The following BMP2K variants were observed in gnomAD, a reference collection of about 807,000 sequenced individuals.
BMP2K encodes the protein BMP2 inducible kinase.
Under a neutral mutation model 116.0 loss-of-function variants are expected in BMP2K, and 74 were observed. That is an observed-to-expected ratio of 0.64 (90% confidence interval 0.53 to 0.77). The LOEUF (loss-of-function observed/expected upper bound fraction) is 0.77, where lower values mean the gene tolerates loss of function less well. Ranked by LOEUF, BMP2K falls within the 30% of genes least tolerant of loss-of-function variation. The probability of loss-of-function intolerance (pLI) is 0.00; values close to 1 mark genes in which losing one functional copy is unlikely to be tolerated. For missense variants in BMP2K, 1,365 were observed against 1,403.6 expected (o/e 0.97, Z 0.44); for synonymous variants, 486 against 502.5 (o/e 0.97, Z 0.44).
At chr4:78,808,466 C>A (rs1258099199) in intron 1 of BMP2K, among the ~76,000 whole-genome samples, 1 of 151,944 alleles carries the variant, frequency 6.6e-6, no homozygotes, top group Non-Finnish European at 1.5e-5. Context: ...GGGGTTTTCA[C>A]CATATTAGCC....
intron 1 of BMP2K, among the ~76,000 whole-genome samples, chr4:78,821,157 T>A (rs1482504911): frequency 6.6e-6 from 1 of 152,208 alleles, no homozygotes; most frequent in Non-Finnish European, 1.5e-5. Flanking sequence ...TTTGCTTGTT[T>A]TACTATCTTG....
intron 3 of BMP2K, among the ~76,000 whole-genome samples, chr4:78,836,175 TG>T (rs1348279687): frequency 1.3e-5 from 2 of 152,080 alleles, no homozygotes; most frequent in African/African-American, 4.8e-5. Flanking sequence ...CCCAGCACTT[TG>T]GGAGGCTGAG....
intron 1 of BMP2K, among the ~76,000 whole-genome samples, chr4:78,825,198 C>A (rs1375558763): frequency 6.6e-6 from 1 of 152,048 alleles, no homozygotes; most frequent in Non-Finnish European, 1.5e-5. Context: ...GAGTGAAACT[C>A]CATCTCAAAA....
At chr4:78,883,566 G>C (rs1203008731) in intron 14 of BMP2K, among the ~76,000 whole-genome samples, 1 of 152,116 alleles carries the variant, frequency 6.6e-6, no homozygotes, top group Non-Finnish European at 1.5e-5. Flanking sequence ...TTTACTTATA[G>C]GGACCCCTAC....
intron 13 of BMP2K, among the ~76,000 whole-genome samples, chr4:78,874,200 C>CACACAA (rs1299622494): frequency 6.7e-5 from 10 of 150,358 alleles, no homozygotes; most frequent in African/African-American, 2.5e-4. Context: ...CACACACACA[C>CACACAA]AAAAAGTTCA....
At chr4:78,813,606 G>A (rs1729192128) in intron 1 of BMP2K, among the ~76,000 whole-genome samples, 1 of 152,024 alleles carries the variant, frequency 6.6e-6, no homozygotes. Context: ...CTGCCTTAGG[G>A]CCTTTGCACT....
chr4:78,910,900 A>C lies in BMP2K; in HGVS notation c.2353A>C (p.Arg785=), dbSNP rs532081102. The change falls in exon 16 of 16, where the codon AGG becomes CGG. Residue 785 remains arginine (R), a synonymous_variant. Transcript: ENST00000502613. ...TACTGAACCAGAAAATCTGGGTCAT[A>C]GGCCTCTCCTCATGGATTCTGAAGA... is the stretch of plus-strand genomic sequence containing the variant. ...DDTEPENLGH[R]PLLMDSEDEE... is the part of the protein sequence containing the mutation. 16 of 1,614,012 alleles carry C rather than the reference A, an allele frequency of 9.9e-6. No homozygotes were observed. The Admixed American group carries it at 1.7e-4, about 17-fold the overall frequency.
chr4:78,810,535 C>T (rs182218221), intron 1 of BMP2K, among the ~76,000 whole-genome samples: 10 of 152,280 alleles, frequency 6.6e-5, no homozygotes, highest in Non-Finnish European at 1.3e-4. Flanking sequence ...GCTTTTTGCA[C>T]AGAGTGCCGA....
intron 8 of BMP2K, among the ~76,000 whole-genome samples, chr4:78,860,754 G>A (rs954480673): frequency 6.8e-6 from 1 of 147,642 alleles, no homozygotes; most frequent in Non-Finnish European, 1.5e-5. Flanking sequence ...AAAAAAGAAG[G>A]AATGTGGTAC....
At chr4:78,816,993 A>G (rs1041928576) in intron 1 of BMP2K, among the ~76,000 whole-genome samples, 12 of 152,196 alleles carry the variant, frequency 7.9e-5, no homozygotes, top group Non-Finnish European at 1.8e-4. Flanking sequence ...AAAATTTATC[A>G]AGTACTCATT....
Position 78,887,187 on chromosome 4 carries a change from G to C in BMP2K, c.1965G>C (p.Glu655Asp). 6.2e-7 allele frequency: 1 copy of C among 1,605,954 alleles called. No homozygotes were observed. Among genetic ancestry groups the C allele is most frequent in the Non-Finnish European group, 8.5e-7 (1 of 1,175,352 alleles). ...FDLLRSNRLEERASSDKNVDS... is the reference protein window; with the variant it reads ...FDLLRSNRLEDRASSDKNVDS... The stretch of plus-strand genomic sequence containing the variant: ...TTATTTTTGCAGATAGGCTCGAGGA[G>C]AGAGCATCCTCAGATAAGAATGTAG... The change falls in exon 15 of 16, where the codon GAG (glutamate) becomes GAC (aspartate). Residue 655 changes from glutamate (E) to aspartate (D), a missense_variant. This residue lies in a region of BMP2K where 596 missense variants were observed against 623.2 expected (regional missense o/e 0.96). Transcript: ENST00000502613.
chr4:78,800,435 C>T (rs750615672), intron 1 of BMP2K, among the ~76,000 whole-genome samples: 5 of 152,090 alleles, frequency 3.3e-5, no homozygotes, highest in Non-Finnish European at 7.4e-5. Flanking sequence ...GACTTAATTA[C>T]CATGTTTCCT....
chr4:78,798,034 T>G (rs1448572194), intron 1 of BMP2K, among the ~76,000 whole-genome samples: 1 of 152,120 alleles, frequency 6.6e-6, no homozygotes, highest in Non-Finnish European at 1.5e-5. Flanking sequence ...CCAGACACGC[T>G]TCAAACTCCT....
intron 4 of BMP2K, 58 bp from the exon 5 acceptor site, chr4:78,844,870 G>C: frequency 1.4e-6 from 2 of 1,462,608 alleles, no homozygotes; most frequent in Non-Finnish European, 1.9e-6. Context: ...TACAAAGATT[G>C]TAAAAAGTTA....
chr4:78,910,696 G>A lies in BMP2K; in HGVS notation c.2149G>A (p.Ala717Thr), dbSNP rs376419752. The A allele has an allele frequency of 2.2e-5, 35 of 1,611,328 alleles. No homozygotes were observed. The highest frequency in any genetic ancestry group is 2.9e-5 in the Non-Finnish European group (34 of 1,179,202). ...NPIKNGKTSP[A>T]SKDQRTGKKT... ...TATCAAGAACGGTAAAACAAGTCCA[G>A]CATCTAAAGATCAGCGGACTGGAAA... Residue 717 changes from alanine (A) to threonine (T), a missense_variant, in exon 16 of 16, where the codon GCA (alanine) becomes ACA (threonine). Transcript: ENST00000502613.
chr4:78,841,418 A>G lies in BMP2K; in HGVS notation c.404-967A>G, dbSNP rs973913917. On this transcript the variant is annotated intron_variant, in intron 3 of 15. Transcript: ENST00000502613. ...ATAAAGAATCATTATTAGACTATCAATTTCTATACTGTAATATATAACCTT... is the reference window on the plus strand; with the variant it reads ...ATAAAGAATCATTATTAGACTATCAGTTTCTATACTGTAATATATAACCTT... Among the ~76,000 whole-genome samples the G allele has an allele frequency of 5.9e-5, 9 of 152,270 alleles. No individual in the cohort carries two copies. In the South Asian group the frequency reaches 6.2e-4, roughly 11 times the overall value.
intron 1 of BMP2K, among the ~76,000 whole-genome samples, chr4:78,787,238 CTG>C (rs1560499039): frequency 6.6e-6 from 1 of 152,158 alleles, no homozygotes; most frequent in Admixed American, 6.5e-5. Flanking sequence ...AAGGCTGACT[CTG>C]TTTTTGAAGT....
chr4:78,843,443 T>A (rs1285696826), intron 4 of BMP2K, among the ~76,000 whole-genome samples: 1 of 151,878 alleles, frequency 6.6e-6, no homozygotes, highest in Non-Finnish European at 1.5e-5. Context: ...TTTTCTTCCA[T>A]TTTTAGTGAT....
chr4:78,806,918 G>A (rs917901258), intron 1 of BMP2K, among the ~76,000 whole-genome samples: 1 of 150,658 alleles, frequency 6.6e-6, no homozygotes, highest in East Asian at 2.0e-4. Flanking sequence ...GCATGTCCTC[G>A]GCTCACTGCA....
Sources: allele counts gnomAD v4.1 joint callset (sites outside exome capture counted in the v4.1 genomes callset), GRCh38; gene constraint gnomAD v4.1.1; regional missense constraint gnomAD v4.1.1; transcripts MANE v1.5; gene names NCBI Gene and HGNC (gene_info 2026-07-23, HGNC 2026-07-21).